DAB1: variants seen among roughly 807,000 people sequenced by gnomAD.
DAB1 encodes the protein DAB adaptor protein 1, also known as disabled homolog 1.
In DAB1, 15 loss-of-function variants were observed where a neutral mutation model predicts 64.6. That is an observed-to-expected ratio of 0.23 (90% CI 0.16 to 0.36). DAB1 has a LOEUF of 0.36. Ranked by LOEUF, DAB1 falls within the 10% of genes least tolerant of loss-of-function variation. The pLI, the probability that DAB1 is intolerant of heterozygous loss-of-function variation, is 1.00. For synonymous variants in DAB1, 235 were observed against 251.9 expected (o/e 0.93, Z 0.64); for missense variants, 596 against 706.7 (o/e 0.84, Z 1.78).
chr1:57,335,397 C>T (rs1677001125), intron 1 of DAB1, among the ~76,000 whole-genome samples: 1 of 152,080 alleles, frequency 6.6e-6, no homozygotes, highest in Non-Finnish European at 1.5e-5. Context: ...ATTTTACTGG[C>T]AAATACAGCA....
intron 7 of DAB1, among the ~76,000 whole-genome samples, chr1:57,631,166 A>T (rs1344882296): frequency 6.6e-6 from 1 of 152,174 alleles, no homozygotes; most frequent in African/African-American, 2.4e-5. Flanking sequence ...AAACCTGTGT[A>T]TAGTCTTTAT....
chr1:58,506,350 A>G, intron 2 of DAB1: 1 of 552,286 alleles, frequency 1.8e-6, no homozygotes, highest in Non-Finnish European at 3.2e-6. Context: ...GGTTTGTTAC[A>G]TACGTATACA....
intron 2 of DAB1, among the ~76,000 whole-genome samples, chr1:58,510,818 T>G (rs1430035679): frequency 6.6e-6 from 1 of 152,232 alleles, no homozygotes; most frequent in South Asian, 2.1e-4. Context: ...AGTTATGTTC[T>G]ACACACTAAC....
chr1:57,183,449 G>C (rs544819106), intron 2 of DAB1, among the ~76,000 whole-genome samples: 9 of 152,168 alleles, frequency 5.9e-5, no homozygotes, highest in Non-Finnish European at 1.3e-4. Flanking sequence ...CACGATTATG[G>C]GTTGAGAAAA....
rs139489315 is a variant in DAB1 at position 57,048,520 on chromosome 1, G to A, written c.723+14364C>T. Among the ~76,000 whole-genome samples the A allele has an allele frequency of 7.3e-3, 1,118 of 152,272 alleles. 12 individuals carry two copies. The highest frequency in any genetic ancestry group is 0.027 in the Middle Eastern group (8 of 292). ...TTACAGAATAATGAAGTCTTAGATGGGAAATAACCTGAAAAACGTCCTCGT... is the reference window on the plus strand; with the variant it reads ...TTACAGAATAATGAAGTCTTAGATGAGAAATAACCTGAAAAACGTCCTCGT... On this transcript the variant is annotated intron_variant, in intron 9 of 14. Transcript: ENST00000371236.
chr1:57,341,621 C>T (rs1168956480), intron 1 of DAB1, among the ~76,000 whole-genome samples: 1 of 152,056 alleles, frequency 6.6e-6, no homozygotes, highest in African/African-American at 2.4e-5. Context: ...AGAGAGAAAA[C>T]TCTTTTGATT....
At chr1:58,319,762 G>A (rs997410935) in intron 4 of DAB1, among the ~76,000 whole-genome samples, 7 of 152,236 alleles carry the variant, frequency 4.6e-5, no homozygotes, top group African/African-American at 9.6e-5. Context: ...TATAGTGGCT[G>A]CCATGGTCAT....
At chr1:57,798,518 T>C (rs2101869118) in intron 6 of DAB1, among the ~76,000 whole-genome samples, 1 of 152,348 alleles carries the variant, frequency 6.6e-6, no homozygotes, top group Non-Finnish European at 1.5e-5. Flanking sequence ...AACTACGTGC[T>C]GATTCAGGTT....
chr1:57,104,165 A>G (rs1454227078), intron 4 of DAB1, among the ~76,000 whole-genome samples: 1 of 152,258 alleles, frequency 6.6e-6, no homozygotes, highest in Admixed American at 6.5e-5. Context: ...AACAAGAGAC[A>G]TATGAAAACC....
chr1:58,421,382 T>C (rs541420466), intron 3 of DAB1, among the ~76,000 whole-genome samples: 1 of 152,334 alleles, frequency 6.6e-6, no homozygotes, highest in South Asian at 2.1e-4. Context: ...TGTCCATAAA[T>C]AACTCCTCAA....
At chr1:58,200,536 T>C (rs1657938595) in intron 4 of DAB1, among the ~76,000 whole-genome samples, 1 of 152,160 alleles carries the variant, frequency 6.6e-6, no homozygotes, top group Admixed American at 6.6e-5. Flanking sequence ...TCACAAAATG[T>C]GGGTTTGAAG....
At chr1:57,802,666 A>G (rs866373435) in intron 6 of DAB1, among the ~76,000 whole-genome samples, 81 of 151,938 alleles carry the variant, frequency 5.3e-4, no homozygotes, top group African/African-American at 1.9e-3. Context: ...TTCTCATGAG[A>G]TCTGGTTGTT....
At chr1:58,039,580 G>A (rs6663426) in intron 5 of DAB1, among the ~76,000 whole-genome samples, 6 of 151,670 alleles carry the variant, frequency 4.0e-5, no homozygotes, top group Non-Finnish European at 7.4e-5. Context: ...CTTGACCCCC[G>A]CTCAGAGCCT....
chr1:57,651,197 CAA>C (rs1274334540), intron 6 of DAB1, among the ~76,000 whole-genome samples: 3 of 151,648 alleles, frequency 2.0e-5, no homozygotes, highest in Admixed American at 1.3e-4. Flanking sequence ...TACACACACA[CAA>C]AGTCAATATA....
intron 5 of DAB1, among the ~76,000 whole-genome samples, chr1:57,892,197 G>A (rs1312115743): frequency 1.3e-5 from 2 of 152,178 alleles, no homozygotes; most frequent in East Asian, 1.9e-4. Context: ...TTAGAGAATC[G>A]TCCCACCTAG....
intron 4 of DAB1, among the ~76,000 whole-genome samples, chr1:58,319,006 G>T (rs558501272): frequency 6.6e-6 from 1 of 152,286 alleles, no homozygotes; most frequent in Admixed American, 6.5e-5. Flanking sequence ...TTTGGAGGCA[G>T]GGATAAGTAC....
chr1:57,346,127 A>T (rs1678066318), intron 1 of DAB1, among the ~76,000 whole-genome samples: 1 of 152,214 alleles, frequency 6.6e-6, no homozygotes, highest in African/African-American at 2.4e-5. Flanking sequence ...GTCTTTCACT[A>T]CGCTACAAAA....
intron 14 of DAB1, among the ~76,000 whole-genome samples, chr1:57,010,329 C>T (rs1457243817): frequency 4.5e-4 from 69 of 152,130 alleles, no homozygotes; most frequent in Admixed American, 4.2e-3. Flanking sequence ...CCACCAACCA[C>T]GCAGAACATA....
At chr1:58,326,001 C>A (rs983636963) in intron 4 of DAB1, among the ~76,000 whole-genome samples, 1 of 152,158 alleles carries the variant, frequency 6.6e-6, no homozygotes, top group South Asian at 2.1e-4. Flanking sequence ...CCCTGCTCCA[C>A]CCCTCCCTCT....
Sources: gnomAD v4.1 joint callset for allele counts (sites outside exome capture counted in the v4.1 genomes callset) on GRCh38, gnomAD v4.1.1 for gene constraint, MANE v1.5 for transcripts, NCBI Gene and HGNC (gene_info 2026-07-23, HGNC 2026-07-21) for gene names.